PDE11A: variants seen among roughly 807,000 people sequenced by gnomAD.
PDE11A encodes the protein phosphodiesterase 11A.
PDE11A carries 100 observed loss-of-function variants against 100.5 expected under a neutral mutation model. The ratio of observed to expected loss-of-function variants is 1.00; its 90% confidence interval spans 0.85 to 1.18. The LOEUF is 1.18. PDE11A is among the 50% of genes most tolerant of loss of function. The pLI, the probability that PDE11A is intolerant of heterozygous loss-of-function variation, is 0.00. For synonymous variants in PDE11A, 381 were observed against 420.8 expected (o/e 0.91, Z 1.16); for missense variants, 1,141 against 1,152.6 (o/e 0.99, Z 0.15).
intron 10 of PDE11A, among the ~76,000 whole-genome samples, chr2:177,747,309 GT>G (rs2081963377): frequency 6.6e-6 from 1 of 152,236 alleles, no homozygotes; most frequent in Non-Finnish European, 1.5e-5. Context: ...TTTGGCTCCT[GT>G]TTCTAAATTC....
At chr2:177,631,845 T>A (rs1336068539) in intron 19 of PDE11A, among the ~76,000 whole-genome samples, 1 of 151,744 alleles carries the variant, frequency 6.6e-6, no homozygotes, top group Non-Finnish European at 1.5e-5. Context: ...ACCTAACACC[T>A]CCTATGTGTT....
chr2:177,738,581 T>C (rs2081827884), intron 10 of PDE11A, among the ~76,000 whole-genome samples: 1 of 152,238 alleles, frequency 6.6e-6, no homozygotes, highest in Admixed American at 6.5e-5. Context: ...GCTCTCTGTA[T>C]ACTGCTTCTT....
chr2:178,062,038 A>C (rs532413777), intron 1 of PDE11A, among the ~76,000 whole-genome samples: 1 of 152,330 alleles, frequency 6.6e-6, no homozygotes, highest in Admixed American at 6.5e-5. Context: ...TATTCACAGC[A>C]GGCATGAGTA....
intron 13 of PDE11A, 115 bp downstream of exon 13, chr2:177,711,654 G>T: frequency 1.4e-6 from 1 of 719,268 alleles, no homozygotes; most frequent in Non-Finnish European, 2.6e-6. Flanking sequence ...GCCCAAGCCT[G>T]CATGGCCTTG....
In PDE11A at chr2:177,919,102, AT is replaced by A. The variant is rs199920848; in HGVS notation, c.1072-13916del. Among the ~76,000 whole-genome samples the A allele has an allele frequency of 1.6e-3, 231 of 145,860 alleles. 1 individual carries two copies. The highest frequency in any genetic ancestry group is 7.0e-3 in the Middle Eastern group (2 of 286). On this transcript the variant is annotated intron_variant, in intron 2 of 19. Coordinates refer to ENST00000286063, the MANE Select transcript of PDE11A (RefSeq NM_016953.4). ...AAATAAAAATATTAGAAGATTTAAC[AT>A]TTTTTTTTTTTTGAGACAGAGTCTC... is the stretch of plus-strand genomic sequence containing the variant.
At chr2:178,002,821 A>T (rs1559038684) in intron 2 of PDE11A, among the ~76,000 whole-genome samples, 1 of 152,196 alleles carries the variant, frequency 6.6e-6, no homozygotes, top group Non-Finnish European at 1.5e-5. Context: ...ATTGAAGCTG[A>T]TAAAAGTTTA....
intron 9 of PDE11A, among the ~76,000 whole-genome samples, chr2:177,797,586 A>C (rs1164447057): frequency 6.6e-6 from 1 of 152,200 alleles, no homozygotes; most frequent in Non-Finnish European, 1.5e-5. Context: ...AAAAATTTTA[A>C]ACAAATAAAC....
At chr2:177,995,386 T>C (rs1482799275) in intron 2 of PDE11A, among the ~76,000 whole-genome samples, 1 of 152,208 alleles carries the variant, frequency 6.6e-6, no homozygotes, top group African/African-American at 2.4e-5. Context: ...TCCATATGCA[T>C]GTGCAGTAAT....
intron 2 of PDE11A, among the ~76,000 whole-genome samples, chr2:178,082,256 A>C (rs551387003): frequency 6.6e-6 from 1 of 152,342 alleles, no homozygotes; most frequent in African/African-American, 2.4e-5. Context: ...AAGAAACAGA[A>C]CAGTTTCGGT....
intron 2 of PDE11A, among the ~76,000 whole-genome samples, chr2:178,087,181 C>T (rs927823230): frequency 2.6e-5 from 4 of 151,864 alleles, no homozygotes; most frequent in African/African-American, 7.3e-5. Context: ...GGTGAAACCC[C>T]GTCTCTACTA....
intron 10 of PDE11A, among the ~76,000 whole-genome samples, chr2:177,743,523 T>C (rs1348866191): frequency 6.6e-6 from 1 of 152,134 alleles, no homozygotes; most frequent in African/African-American, 2.4e-5. Context: ...GATAAAAGGG[T>C]ACAGGGTAGA....
intron 2 of PDE11A, among the ~76,000 whole-genome samples, chr2:178,082,105 G>C (rs1421910387): frequency 6.6e-6 from 1 of 152,194 alleles, no homozygotes; most frequent in Non-Finnish European, 1.5e-5. Context: ...CTAGTATCAA[G>C]CCATGGTGGA....
At chr2:177,993,912 G>A (rs371354386) in intron 2 of PDE11A, among the ~76,000 whole-genome samples, 1 of 150,418 alleles carries the variant, frequency 6.6e-6, no homozygotes. Context: ...GTATATATGT[G>A]AAGATTAGAC....
chr2:177,671,439 A>G (rs1371272020), intron 17 of PDE11A, among the ~76,000 whole-genome samples: 3 of 152,172 alleles, frequency 2.0e-5, no homozygotes, highest in Non-Finnish European at 4.4e-5. Context: ...TGTTGCAGGA[A>G]GGGAAAGTGG....
At chr2:178,087,411 C>CA (rs1405396007) in intron 2 of PDE11A, among the ~76,000 whole-genome samples, 41 of 150,434 alleles carry the variant, frequency 2.7e-4, no homozygotes, top group African/African-American at 7.5e-4. Flanking sequence ...TTCAGCCACA[C>CA]AAAAAAATCA....
upstream of PDE11A, among the ~76,000 whole-genome samples, chr2:178,073,768 G>C (rs551525177): frequency 6.6e-6 from 1 of 152,148 alleles, no homozygotes; most frequent in African/African-American, 2.4e-5. Context: ...TTAGTGATAT[G>C]TTGAAACTGG....
intron 2 of PDE11A, among the ~76,000 whole-genome samples, chr2:177,972,295 C>T (rs2085781827): frequency 6.6e-6 from 1 of 152,146 alleles, no homozygotes; most frequent in African/African-American, 2.4e-5. Flanking sequence ...AGAACAGTGA[C>T]AGAAGGCCAG....
chr2:177,926,159 T>G (rs2085121922), intron 2 of PDE11A, among the ~76,000 whole-genome samples: 1 of 152,240 alleles, frequency 6.6e-6, no homozygotes, highest in African/African-American at 2.4e-5. Context: ...ACTAATCTTA[T>G]TTTGCCAACA....
intron 5 of PDE11A, among the ~76,000 whole-genome samples, chr2:177,865,635 T>C (rs1484263527): frequency 6.6e-6 from 1 of 152,038 alleles, no homozygotes; most frequent in Admixed American, 6.6e-5. Context: ...AAGAAACATA[T>C]GATATATCCA....
Sources: gnomAD v4.1 joint callset for allele counts (sites outside exome capture counted in the v4.1 genomes callset) on GRCh38, gnomAD v4.1.1 for gene constraint, MANE v1.5 for transcripts, NCBI Gene and HGNC (gene_info 2026-07-23, HGNC 2026-07-21) for gene names.